The following FLNC variants were observed in gnomAD, a reference collection of about 807,000 sequenced individuals.
FLNC encodes the protein filamin-C.
In FLNC, 91 loss-of-function variants were observed where a neutral mutation model predicts 254.3. That is an observed-to-expected ratio of 0.36 (90% confidence interval 0.30 to 0.43). FLNC has a LOEUF of 0.43. FLNC is among the 20% of genes least tolerant of loss of function. The pLI is 1.00. For synonymous variants in FLNC, 1,430 were observed against 1,577.2 expected, an observed-to-expected ratio of 0.91 and a Z score of 2.21; for missense variants, 2,853 against 3,802.6, an observed-to-expected ratio of 0.75 and a Z score of 6.57.
In FLNC at chr7:128,846,474, C is replaced by G. The variant is rs372563727; in HGVS notation, c.4127+11C>G. ...CACTGTGGAGACCAGGTATCCTCCC[C>G]CTTTGCTAGCCTAAATCTGTGACCA... On this transcript the variant is annotated intron_variant, in intron 23 of 47. Coordinates refer to ENST00000325888, the MANE Select transcript of FLNC (RefSeq NM_001458.5). 4.4e-6 allele frequency: 7 copies of G among 1,600,010 alleles called. No homozygotes were observed. Among genetic ancestry groups the G allele is most frequent in the Admixed American group, 3.3e-5 (2 of 59,998 alleles).
Position 128,840,613 on chromosome 7 carries a change from C to A in FLNC, c.1615C>A (p.Pro539Thr). ...GDGVFECEYY[P>T]VVPGKYVVTI... ...TGGTGTGTTCGAGTGCGAGTACTAC[C>A]CGGTGGTGCCTGGGAAGTATGTGGT... The change falls in exon 10 of 48, where the codon CCG (proline) becomes ACG (threonine). Residue 539 changes from proline (P) to threonine (T), a missense_variant. Transcript: ENST00000325888. 2 of 1,614,208 alleles carry A rather than the reference C, an allele frequency of 1.2e-6. No individual in the cohort carries two copies. The highest frequency in any genetic ancestry group is 1.7e-6 in the Non-Finnish European group (2 of 1,180,032).
rs376434411 is a variant in FLNC at position 128,841,393 on chromosome 7, C to T, written c.2007+30C>T. On this transcript the variant is annotated intron_variant, in intron 12 of 47. Coordinates refer to ENST00000325888, the MANE Select transcript of FLNC (RefSeq NM_001458.5). This position sits in a 1 kb window ranked among gnomAD's most constrained non-coding sequence, Gnocchi z 4.3. ...GGTCCCAGCTCACACACACCTGCCCCGGGGGTGGGGCAAGCTGGTTCTCCT... is the reference window on the plus strand; with the variant it reads ...GGTCCCAGCTCACACACACCTGCCCTGGGGGTGGGGCAAGCTGGTTCTCCT... 36 of 1,613,528 alleles carry T rather than the reference C, an allele frequency of 2.2e-5. No homozygotes were observed. The highest frequency in any genetic ancestry group is 9.3e-5 in the African/African-American group (7 of 74,920).
Position 128,841,184 on chromosome 7 carries a change from G to A in FLNC, c.1828G>A (p.Gly610Arg), listed in dbSNP as rs777971068. ...EVGTLGFSIE[G>R]PSQAKIECDD... Reference sequence around the variant, plus strand: ...CCTTGCCCCAGGCTTCTCCATCGAGGGGCCCTCACAAGCCAAGATCGAATG... The same window carrying A: ...CCTTGCCCCAGGCTTCTCCATCGAGAGGCCCTCACAAGCCAAGATCGAATG... The change falls in exon 12 of 48, where the codon GGG (glycine) becomes AGG (arginine). Residue 610 changes from glycine (G) to arginine (R), a missense_variant. Coordinates refer to ENST00000325888, the MANE Select transcript of FLNC (RefSeq NM_001458.5). This position sits in a 1 kb window ranked among gnomAD's most constrained non-coding sequence, Gnocchi z 4.3. 1 of 1,613,896 alleles carries A rather than the reference G, an allele frequency of 6.2e-7. No individual in the cohort carries two copies. Among genetic ancestry groups the A allele is most frequent in the Non-Finnish European group, 8.5e-7 (1 of 1,179,978 alleles).
In FLNC at chr7:128,850,840, C is replaced by T. The variant is rs1424425372; in HGVS notation, c.5436C>T (p.Pro1812=). The part of the protein sequence containing the change: ...VRMPSGKTAR[P]NITDNKDGTI... ...TGCCCTCGGGGAAGACGGCACGGCCCAACATCACCGACAACAAGGACGGCA... is the reference window on the plus strand; with the variant it reads ...TGCCCTCGGGGAAGACGGCACGGCCTAACATCACCGACAACAAGGACGGCA... Residue 1812 remains proline, a synonymous_variant, in exon 33 of 48, where the codon CCC becomes CCT. Transcript: ENST00000325888. 1 of 1,613,682 alleles carries T rather than the reference C, an allele frequency of 6.2e-7. No homozygotes were observed. Among genetic ancestry groups the T allele is most frequent in the East Asian group, 2.2e-5 (1 of 44,872 alleles).
chr7:128,843,801 C>T lies in FLNC; in HGVS notation c.2817C>T (p.Asn939=), dbSNP rs201006494. ...TVKYTAVQQG[N]MAVTVTYGGD... ...CCTACCATTGTACCCAACAGGGCAA[C>T]ATGGCAGTGACAGTGACTTATGGCG... The change falls in exon 19 of 48, where the codon AAC becomes AAT. Residue 939 remains asparagine, a synonymous_variant. Coordinates refer to ENST00000325888, the MANE Select transcript of FLNC (RefSeq NM_001458.5). The T allele has an allele frequency of 6.2e-7, 1 of 1,613,864 alleles. No individual in the cohort carries two copies. The highest frequency in any genetic ancestry group is 2.2e-5 in the East Asian group (1 of 44,886).
intron 35 of FLNC, 48 bp downstream of exon 35, chr7:128,851,676 C>G: frequency 6.3e-7 from 1 of 1,590,168 alleles, no homozygotes; most frequent in South Asian, 1.1e-5. Context: ...ACACACACCG[C>G]ATACAGTGCA....
intron 35 of FLNC, 56 bp from the exon 36 acceptor site, chr7:128,852,535 T>C (rs749987338): frequency 1.9e-6 from 3 of 1,600,868 alleles, no homozygotes; most frequent in Non-Finnish European, 2.6e-6. Context: ...CTGAGCCCTG[T>C]GAGGGCAGGG....
intron 20 of FLNC, 81 bp downstream of exon 20, chr7:128,844,347 A>G: frequency 6.7e-7 from 1 of 1,482,562 alleles, no homozygotes; most frequent in Non-Finnish European, 9.0e-7. Context: ...CAGAGGCCAG[A>G]GGGACTTATG....
chr7:128,835,623 G>T lies in FLNC; in HGVS notation c.601+49G>T, dbSNP rs1808067655. The T allele has an allele frequency of 6.3e-7, 1 of 1,599,004 alleles. No homozygotes were observed. Among genetic ancestry groups the T allele is most frequent in the Non-Finnish European group, 8.5e-7 (1 of 1,171,958 alleles). ...ATGGAGCCCTTAGCTCCCAAAGACA[G>T]AGGGGACAAGCTGGGGCTGCCAAGG... On this transcript the variant is annotated intron_variant, in intron 2 of 47. Coordinates refer to ENST00000325888, the MANE Select transcript of FLNC (RefSeq NM_001458.5). The surrounding 1 kb of genome is among the most constrained non-coding windows in gnomAD (Gnocchi z 5.3).
In FLNC at chr7:128,855,261, C is replaced by G. The variant is rs1390223951; in HGVS notation, c.7198C>G (p.Pro2400Ala). ...EHIPDSPFVV[P>A]VASLSDDARR... is the part of the protein sequence containing the mutation. ...CATCCCAGACAGCCCCTTTGTGGTG[C>G]CTGTGGCCTCCCTCTCGGATGACGC... Residue 2400 changes from proline to alanine, a missense_variant, in exon 43 of 48, where the codon CCT becomes GCT. By Grantham distance (27) the Pro-to-Ala change is conservative (BLOSUM62 -1). Around this residue, in one of 10 missense-constraint regions of FLNC, gnomAD observed 551 missense variants for 835.0 expected, o/e 0.66. Transcript: ENST00000325888. 1.2e-5 allele frequency: 19 copies of G among 1,613,778 alleles called. No individual in the cohort carries two copies. The highest frequency in any genetic ancestry group is 1.6e-5 in the Non-Finnish European group (19 of 1,179,894).
chr7:128,842,326 C>T lies in FLNC; in HGVS notation c.2217C>T (p.Thr739=), dbSNP rs1169471172. The T allele has an allele frequency of 1.9e-6, 3 of 1,613,724 alleles. No individual in the cohort carries two copies. The highest frequency in any genetic ancestry group is 1.7e-5 in the Admixed American group (1 of 60,006). ...TGCCCACCAAGCCCATTAAGCACAC[C>T]ATCATCATCTCCTGGGGAGGCGTAA... The part of the protein sequence containing the change: ...SYVPTKPIKH[T]IIISWGGVNV... The change falls in exon 14 of 48, where the codon ACC becomes ACT. Residue 739 remains threonine, a synonymous_variant. Coordinates refer to ENST00000325888, the MANE Select transcript of FLNC (RefSeq NM_001458.5). The surrounding 1 kb of genome is among the most constrained non-coding windows in gnomAD (Gnocchi z 5.4).
rs561099145 is a variant in FLNC at position 128,853,184 on chromosome 7, GA to G, written c.6208+156del. 594 of 796,236 alleles carry G rather than the reference GA, an allele frequency of 7.5e-4. 1 individual carries two copies. The highest frequency in any genetic ancestry group is 4.2e-3 in the African/African-American group (250 of 58,886). 49.3% of individuals were successfully genotyped at this position (796,236 alleles called of 1,614,324 possible). A position where few individuals can be genotyped will look rare whatever the true frequency, so the allele number is the denominator to read the frequency against. ...ATTCGCATTCTGGGGCCCCTTGCGG[GA>G]AAGTGAATGGCCCCGCATCAGTTCT... On this transcript the variant is annotated intron_variant, in intron 37 of 47. Coordinates refer to ENST00000325888, the MANE Select transcript of FLNC (RefSeq NM_001458.5).
At position 128,844,732 on chromosome 7, in the gene FLNC, G is replaced by A; in HGVS notation, c.3267G>A (p.Gly1089=). ...CGCCATTCTCCATCGACACCAAGGG[G>A]GCTGGCACAGGTGGCCTGGGGCTGA... is the stretch of plus-strand genomic sequence containing the variant. The part of the protein sequence containing the change: ...TPAPFSIDTK[G]AGTGGLGLTV... Residue 1089 remains glycine, a synonymous_variant, in exon 21 of 48, where the codon GGG becomes GGA. Coordinates refer to ENST00000325888, the MANE Select transcript of FLNC (RefSeq NM_001458.5). The A allele has an allele frequency of 6.2e-7, 1 of 1,613,960 alleles. No homozygotes were observed. Among genetic ancestry groups the A allele is most frequent in the Non-Finnish European group, 8.5e-7 (1 of 1,180,032 alleles).
At chr7:128,843,633 T>G in intron 18 of FLNC, 56 bp downstream of exon 18, 1 of 1,596,388 alleles carries the variant, frequency 6.3e-7, no homozygotes, top group Non-Finnish European at 8.6e-7. Flanking sequence ...GCCCTGGGTC[T>G]CCCTCCTCCA....
Position 128,842,941 on chromosome 7 carries a change from T to C in FLNC, c.2537T>C (p.Leu846Pro). The change falls in exon 16 of 48, where the codon CTG (leucine) becomes CCG (proline). Residue 846 changes from leucine to proline, a missense_variant. Physicochemically the swap from Leu to Pro is moderately conservative, Grantham distance 98. Around this residue, in one of 10 missense-constraint regions of FLNC, gnomAD observed 1,573 missense variants for 1,883.5 expected, o/e 0.84. Coordinates refer to ENST00000325888, the MANE Select transcript of FLNC (RefSeq NM_001458.5). This position sits in a 1 kb window ranked among gnomAD's most constrained non-coding sequence, Gnocchi z 5.4. ...PGAGRYTIMV[L>P]FANQEIPASP... is the part of the protein sequence containing the mutation. The stretch of plus-strand genomic sequence containing the variant: ...GCGGGCCGCTACACCATCATGGTGC[T>C]GTTTGCCAACCAGGTACCTAAGCTC... 2 of 1,613,968 alleles carry C rather than the reference T, an allele frequency of 1.2e-6. No individual in the cohort carries two copies. Among genetic ancestry groups the C allele is most frequent in the Non-Finnish European group, 1.7e-6 (2 of 1,180,020 alleles).
chr7:128,851,939 C>T (rs1808835399), intron 35 of FLNC, among the ~76,000 whole-genome samples: 1 of 152,208 alleles, frequency 6.6e-6, no homozygotes, highest in Non-Finnish European at 1.5e-5. Flanking sequence ...GATCTCGGCT[C>T]ACTGCAACCT....
In FLNC at chr7:128,858,547, T is replaced by G; in HGVS notation, c.*24T>G. 4 of 1,570,650 alleles carry G rather than the reference T, an allele frequency of 2.5e-6. No homozygotes were observed. Among genetic ancestry groups the G allele is most frequent in the Non-Finnish European group, 3.5e-6 (4 of 1,143,786 alleles). On this transcript the variant is annotated 3_prime_UTR_variant, in exon 48 of 48. Transcript: ENST00000325888. This position sits in a 1 kb window ranked among gnomAD's most constrained non-coding sequence, Gnocchi z 6.7. The stretch of plus-strand genomic sequence containing the variant: ...GAATCCCAAAAGTGCCTCCCCAGCC[T>G]CAGCCCCCACCTCCAGCCACACACA...
Position 128,835,177 on chromosome 7 carries a change from G to C in FLNC, c.353-149G>C. ...ATAAAGAACTTGGCATCTGAGTGGG[G>C]CCTCGCAGGAGGGAGAGGGTCAGGT... On this transcript the variant is annotated intron_variant, in intron 1 of 47. Coordinates refer to ENST00000325888, the MANE Select transcript of FLNC (RefSeq NM_001458.5). This position sits in a 1 kb window ranked among gnomAD's most constrained non-coding sequence, Gnocchi z 5.3. The C allele has an allele frequency of 4.1e-6, 4 of 978,926 alleles. No individual in the cohort carries two copies. The highest frequency in any genetic ancestry group is 6.3e-6 in the Non-Finnish European group (4 of 639,332). 60.6% of individuals were successfully genotyped at this position (978,926 alleles called of 1,614,324 possible).
At position 128,851,593 on chromosome 7, in the gene FLNC, A is replaced by C. The variant is rs1454768847; in HGVS notation, c.5807A>C (p.His1936Pro). The C allele has an allele frequency of 6.2e-7, 1 of 1,613,942 alleles. No homozygotes were observed. The highest frequency in any genetic ancestry group is 2.2e-5 in the East Asian group (1 of 44,866). Residue 1936 changes from histidine (H) to proline (P), a missense_variant, in exon 35 of 48, where the codon CAC becomes CCC. By Grantham distance (77) the His-to-Pro change is moderately conservative. This residue lies in a region of FLNC where 551 missense variants were observed against 835.0 expected (regional missense o/e 0.66). Transcript: ENST00000325888. ...ATCATCGTGCGCTTCGATGACAAGC[A>C]CATCCCGGGGAGCCCCTTCACAGCC... ...YSIIVRFDDK[H>P]IPGSPFTAKI...
Sources: gnomAD v4.1 joint callset for allele counts (sites outside exome capture counted in the v4.1 genomes callset) on GRCh38, gnomAD v4.1.1 for gene constraint, gnomAD v4.1.1 regional missense constraint, Gnocchi (gnomAD v3.1) non-coding constraint, MANE v1.5 for transcripts, NCBI Gene and HGNC (gene_info 2026-07-23, HGNC 2026-07-21) for gene names.